The following DTNBP1 variants were observed in gnomAD, a reference collection of about 807,000 sequenced individuals.
The protein encoded by DTNBP1 is dystrobrevin binding protein 1.
Under a neutral mutation model 42.8 loss-of-function variants are expected in DTNBP1, and 35 were observed. The ratio of observed to expected loss-of-function variants is 0.82; its 90% confidence interval spans 0.63 to 1.09. The LOEUF is 1.09. Among genes scored for constraint, DTNBP1 ranks in the 50% least tolerant of loss-of-function variants. The pLI is 0.00. For missense variants in DTNBP1, 457 were observed against 424.2 expected (o/e 1.08, Z -0.68); for synonymous variants, 171 against 162.2 (o/e 1.05, Z -0.41).
intron 9 of DTNBP1, chr6:15,524,008 T>C: frequency 2.3e-6 from 3 of 1,288,678 alleles, no homozygotes; most frequent in South Asian, 1.2e-5. Context: ...CCTCAGCCCA[T>C]ATTTGCTGCA....
Position 15,533,398 on chromosome 6 carries a change from G to A in DTNBP1, c.512-3C>T, listed in dbSNP as rs1773008268. 3 of 1,614,210 alleles carry A rather than the reference G, an allele frequency of 1.9e-6. No individual in the cohort carries two copies. In the East Asian group the frequency reaches 6.7e-5, roughly 36 times the overall value. On this transcript the variant is annotated splice_region_variant and splice_polypyrimidine_tract_variant and intron_variant, in intron 7 of 9. Transcript: ENST00000344537. ...GGCGTGCTCTGCATCTAGTTCAGCT[G>A]AGGAAACAGAATAACTGGGGTTAGG...
rs540744446 is a variant in DTNBP1 at position 15,533,171 on chromosome 6, G to A, written c.667+69C>T. 2.4e-4 allele frequency: 377 copies of A among 1,602,830 alleles called. 4 individuals carry two copies. In the African/African-American group the frequency reaches 4.5e-3, roughly 19 times the overall value. ...GATTCTGCCCCATGCCCTGCTCTGGGGAGAGGGGTCCATCGCCACCCCGCA... is the reference window on the plus strand; with the variant it reads ...GATTCTGCCCCATGCCCTGCTCTGGAGAGAGGGGTCCATCGCCACCCCGCA... On this transcript the variant is annotated intron_variant, in intron 8 of 9. Coordinates refer to ENST00000344537, the MANE Select transcript of DTNBP1 (RefSeq NM_032122.5).
intron 1 of DTNBP1, among the ~76,000 whole-genome samples, chr6:15,662,142 C>G (rs1236319075): frequency 1.3e-5 from 2 of 152,266 alleles, no homozygotes; most frequent in Non-Finnish European, 2.9e-5. Context: ...TGATTCTAAG[C>G]AAAGTTTGGG....
intron 5 of DTNBP1, 124 bp downstream of exon 5, chr6:15,627,219 T>C: frequency 7.8e-7 from 1 of 1,290,096 alleles, no homozygotes. Flanking sequence ...GAAATCATGA[T>C]TTTCCAAAAA....
intron 7 of DTNBP1, among the ~76,000 whole-genome samples, chr6:15,562,134 G>A (rs565197369): frequency 2.0e-4 from 31 of 152,262 alleles, no homozygotes; most frequent in Middle Eastern, 3.4e-3. Context: ...AGCAGTCCTC[G>A]GGGCTGCTAT....
chr6:15,560,455 G>T (rs958167033), intron 7 of DTNBP1, among the ~76,000 whole-genome samples: 8 of 152,154 alleles, frequency 5.3e-5, no homozygotes, highest in African/African-American at 1.4e-4. Context: ...TCCAGAATTT[G>T]GAAATTATTT....
intron 6 of DTNBP1, among the ~76,000 whole-genome samples, chr6:15,614,240 T>C (rs1350669434): frequency 6.6e-6 from 1 of 151,854 alleles, no homozygotes; most frequent in Non-Finnish European, 1.5e-5. Context: ...TCATTGGGGG[T>C]AGGGGGGTGG....
At chr6:15,588,853 C>T (rs764445860) in intron 7 of DTNBP1, among the ~76,000 whole-genome samples, 6 of 152,220 alleles carry the variant, frequency 3.9e-5, no homozygotes, top group East Asian at 1.9e-4. Flanking sequence ...AGTGAGTACT[C>T]GTCATTCAGA....
chr6:15,539,970 C>T (rs958163445), intron 7 of DTNBP1, among the ~76,000 whole-genome samples: 4 of 152,108 alleles, frequency 2.6e-5, no homozygotes, highest in African/African-American at 7.2e-5. Context: ...GTAGCAAATA[C>T]GAATCACCAA....
At chr6:15,652,980 T>C (rs551800233) in intron 1 of DTNBP1, among the ~76,000 whole-genome samples, 10 of 152,320 alleles carry the variant, frequency 6.6e-5, no homozygotes, top group Middle Eastern at 6.8e-3. Flanking sequence ...GATTCCTAAA[T>C]GTGATCAGAC....
intron 4 of DTNBP1, among the ~76,000 whole-genome samples, chr6:15,632,096 C>T (rs2113753527): frequency 6.6e-6 from 1 of 152,166 alleles, no homozygotes; most frequent in African/African-American, 2.4e-5. Context: ...TGCAATATGC[C>T]TGCTGATATC....
chr6:15,526,311 C>T (rs897658124), intron 8 of DTNBP1, among the ~76,000 whole-genome samples: 1 of 152,062 alleles, frequency 6.6e-6, no homozygotes, highest in African/African-American at 2.4e-5. Flanking sequence ...ACAGTCATAA[C>T]GAGGAGTCAC....
At position 15,564,539 on chromosome 6, in the gene DTNBP1, C is replaced by G. The variant is rs182190421; in HGVS notation, c.511+28520G>C. ...TCTCATGCCTCAGCCTCCCAAGTAG[C>G]TGGGTTTACAGGCGTGTACTACCTC... On this transcript the variant is annotated intron_variant, in intron 7 of 9. Transcript: ENST00000344537. Among the ~76,000 whole-genome samples the G allele has an allele frequency of 4.4e-3, 676 of 152,148 alleles. 7 individuals carry two copies. Among genetic ancestry groups the G allele is most frequent in the African/African-American group, 0.015 (622 of 41,506 alleles).
chr6:15,567,415 T>C (rs1775140628), intron 7 of DTNBP1, among the ~76,000 whole-genome samples: 1 of 152,148 alleles, frequency 6.6e-6, no homozygotes, highest in Non-Finnish European at 1.5e-5. Flanking sequence ...ATTGCACCAC[T>C]GCACTTTAGC....
At chr6:15,622,762 A>T (rs964412896) in intron 5 of DTNBP1, among the ~76,000 whole-genome samples, 1 of 152,228 alleles carries the variant, frequency 6.6e-6, no homozygotes, top group Non-Finnish European at 1.5e-5. Flanking sequence ...GAGCTTCACA[A>T]ATTTTTGCAA....
chr6:15,663,050 C>T, upstream of DTNBP1: 2 of 778,346 alleles, frequency 2.6e-6, no homozygotes, highest in Non-Finnish European at 3.7e-6. Flanking sequence ...CGTTCCCGCC[C>T]CGCGCGCGCC....
In DTNBP1 at chr6:15,525,133, T is replaced by C. The variant is rs114952766; in HGVS notation, c.668-464A>G. 4.0e-3 allele frequency among the ~76,000 whole-genome samples: 612 copies of C among 152,332 alleles called. 2 individuals are homozygous for C. Among genetic ancestry groups the C allele is most frequent in the Non-Finnish European group, 6.9e-3 (472 of 68,034 alleles). ...CTGGCCTTGGAACATTTCTCGGGCC[T>C]AACGGCAGAAGGGGTTTGACCTACA... is the stretch of plus-strand genomic sequence containing the variant. On this transcript the variant is annotated intron_variant, in intron 8 of 9. Transcript: ENST00000344537.
intron 7 of DTNBP1, among the ~76,000 whole-genome samples, chr6:15,577,039 G>C (rs930532504): frequency 7.2e-5 from 11 of 152,234 alleles, no homozygotes; most frequent in African/African-American, 2.7e-4. Context: ...CAGGTAAAGA[G>C]AGAGAGAGAA....
chr6:15,643,456 T>C (rs796993310), intron 3 of DTNBP1, among the ~76,000 whole-genome samples: 4 of 152,072 alleles, frequency 2.6e-5, no homozygotes, highest in African/African-American at 9.6e-5. Context: ...TCCTGAGAGA[T>C]ACCATATAAG....
Sources: allele counts gnomAD v4.1 joint callset (sites outside exome capture counted in the v4.1 genomes callset), GRCh38; gene constraint gnomAD v4.1.1; transcripts MANE v1.5; gene names NCBI Gene and HGNC (gene_info 2026-07-23, HGNC 2026-07-21).